The following TBL1XR1 variants were observed in gnomAD, a reference collection of about 807,000 sequenced individuals.
TBL1XR1 encodes the protein TBL1X/Y related 1, also known as F-box-like/WD repeat-containing protein TBL1XR1.
In TBL1XR1, 5 loss-of-function variants were observed where a neutral mutation model predicts 66.9. The observed-to-expected ratio is 0.07, with a 90% CI of 0.04 to 0.16. TBL1XR1 has a LOEUF of 0.16. Among genes scored for constraint, TBL1XR1 ranks in the 10% least tolerant of loss-of-function variants. The pLI is 1.00. For missense variants in TBL1XR1, 238 were observed against 623.2 expected (o/e 0.38, Z 6.58); for synonymous variants, 210 against 206.0 (o/e 1.02, Z -0.17).
intron 1 of TBL1XR1, among the ~76,000 whole-genome samples, chr3:177,144,307 G>C (rs753194210): frequency 3.9e-5 from 6 of 152,132 alleles, no homozygotes; most frequent in Non-Finnish European, 8.8e-5. Context: ...CACTGACAAA[G>C]AAAGAGGCAG....
chr3:177,176,745 G>A (rs1734202975), intron 1 of TBL1XR1, among the ~76,000 whole-genome samples: 1 of 152,006 alleles, frequency 6.6e-6, no homozygotes, highest in South Asian at 2.1e-4. Context: ...AACACGGGAG[G>A]CAGAGGTTGC....
chr3:177,074,009 A>G (rs1720372666), intron 2 of TBL1XR1, among the ~76,000 whole-genome samples: 1 of 152,212 alleles, frequency 6.6e-6, no homozygotes, highest in Non-Finnish European at 1.5e-5. Context: ...TCTTTACCAC[A>G]TACACAGCAA....
intron 1 of TBL1XR1, among the ~76,000 whole-genome samples, chr3:177,159,051 C>A (rs996976755): frequency 5.3e-5 from 8 of 151,914 alleles, no homozygotes; most frequent in Non-Finnish European, 1.2e-4. Context: ...AGTTTTAATT[C>A]TCCTAAAATG....
intron 1 of TBL1XR1, among the ~76,000 whole-genome samples, chr3:177,108,233 T>C (rs73187539): frequency 0.046 from 7,062 of 152,222 alleles, 230 homozygotes; most frequent in Middle Eastern, 0.085. Flanking sequence ...TAAAAATATA[T>C]AACCATTCTA....
intron 1 of TBL1XR1, among the ~76,000 whole-genome samples, chr3:177,170,695 C>T (rs75551939): frequency 0.022 from 3,421 of 152,226 alleles, 138 homozygotes; most frequent in African/African-American, 0.079. Flanking sequence ...GTCTCCACTT[C>T]CCCAGCTCAA....
chr3:177,033,978 C>T (rs1392906037), intron 13 of TBL1XR1, among the ~76,000 whole-genome samples: 1 of 151,778 alleles, frequency 6.6e-6, no homozygotes, highest in Non-Finnish European at 1.5e-5. Context: ...AGACTACACA[C>T]TGGGTACACT....
chr3:177,148,647 G>C (rs1011236525), intron 1 of TBL1XR1, among the ~76,000 whole-genome samples: 1 of 148,560 alleles, frequency 6.7e-6, no homozygotes, highest in African/African-American at 2.5e-5. Context: ...CCCAGGAGGG[G>C]GAGATTGCAG....
chr3:177,056,523 G>C (rs140695464), intron 3 of TBL1XR1, among the ~76,000 whole-genome samples: 103 of 152,200 alleles, frequency 6.8e-4, no homozygotes, highest in Middle Eastern at 3.4e-3. Flanking sequence ...CATTGTTTTG[G>C]CACTTCTCAC....
In TBL1XR1 at chr3:177,197,421, G is replaced by A. The variant is rs2109031336; in HGVS notation, c.-422C>T. On this transcript the variant is annotated 5_prime_UTR_variant, in exon 1 of 16. Transcript: ENST00000457928. The stretch of plus-strand genomic sequence containing the variant: ...GGCGGCGCGCGGGGGAAGGGCGCGA[G>A]CGGGGAGAGGAATTGAGGCAGAAGG... The A allele has an allele frequency of 1.4e-5, 2 of 146,490 alleles. No individual in the cohort carries two copies. Among genetic ancestry groups the A allele is most frequent in the South Asian group, 3.6e-4 (2 of 5,538 alleles). 9.1% of individuals were successfully genotyped at this position (146,490 alleles called of 1,614,324 possible). A position where few individuals can be genotyped will look rare whatever the true frequency, so the allele number is the denominator to read the frequency against.
At chr3:177,053,984 A>G in intron 3 of TBL1XR1, 66 bp from the exon 4 acceptor site, 1 of 1,493,524 alleles carries the variant, frequency 6.7e-7, no homozygotes, top group South Asian at 1.3e-5. Flanking sequence ...TGACACAGAA[A>G]GAAAGATCAC....
At chr3:177,131,452 A>G in intron 1 of TBL1XR1, 1 of 909,678 alleles carries the variant, frequency 1.1e-6, no homozygotes, top group Non-Finnish European at 1.3e-6. Flanking sequence ...TCCCACACCT[A>G]AAAGTTGAGA....
intron 12 of TBL1XR1, among the ~76,000 whole-genome samples, chr3:177,035,528 C>T (rs1236353867): frequency 6.6e-6 from 1 of 151,996 alleles, no homozygotes; most frequent in Non-Finnish European, 1.5e-5. Flanking sequence ...ATTCTCCTGC[C>T]TCAGCCTCCA....
intron 2 of TBL1XR1, among the ~76,000 whole-genome samples, chr3:177,094,614 T>C (rs1478802499): frequency 6.6e-6 from 1 of 152,172 alleles, no homozygotes. Context: ...TATGTGTATA[T>C]ACACCATGGA....
intron 1 of TBL1XR1, among the ~76,000 whole-genome samples, chr3:177,121,509 T>C (rs1308292109): frequency 6.6e-6 from 1 of 152,162 alleles, no homozygotes; most frequent in Non-Finnish European, 1.5e-5. Flanking sequence ...TTTCAAACAT[T>C]AGCCTCCCTT....
chr3:177,075,883 C>T (rs1245893469), intron 2 of TBL1XR1, among the ~76,000 whole-genome samples: 4 of 152,162 alleles, frequency 2.6e-5, no homozygotes, highest in African/African-American at 9.7e-5. Flanking sequence ...GCCGCATTCC[C>T]TCTGAAGGTG....
intron 1 of TBL1XR1, among the ~76,000 whole-genome samples, chr3:177,116,387 A>C (rs1036060815): frequency 5.3e-5 from 8 of 152,142 alleles, no homozygotes; most frequent in African/African-American, 1.9e-4. Flanking sequence ...AGCACTAAGC[A>C]CCATGACCTT....
chr3:177,114,677 G>GA (rs898352775), intron 1 of TBL1XR1, among the ~76,000 whole-genome samples: 93 of 143,424 alleles, frequency 6.5e-4, no homozygotes, highest in South Asian at 2.5e-3. Context: ...AAATTAAAAA[G>GA]AAAAAAAAAA....
chr3:177,189,140 G>T (rs1308815826), intron 1 of TBL1XR1, among the ~76,000 whole-genome samples: 3 of 151,890 alleles, frequency 2.0e-5, no homozygotes, highest in Non-Finnish European at 4.4e-5. Context: ...CCCAGGAGGT[G>T]GAGATTGCAG....
chr3:177,125,284 T>A (rs193084260), intron 1 of TBL1XR1, among the ~76,000 whole-genome samples: 17 of 152,058 alleles, frequency 1.1e-4, no homozygotes, highest in Admixed American at 2.0e-4. Flanking sequence ...AAACGGCCAA[T>A]AAGCATATGA....
Sources: gnomAD v4.1 joint callset for allele counts (sites outside exome capture counted in the v4.1 genomes callset) on GRCh38, gnomAD v4.1.1 for gene constraint, MANE v1.5 for transcripts, NCBI Gene and HGNC (gene_info 2026-07-23, HGNC 2026-07-21) for gene names.